The following TMPRSS11E variants were observed in gnomAD, a reference collection of about 807,000 sequenced individuals.
TMPRSS11E encodes the protein transmembrane protease serine 11E.
A neutral mutation model predicts 48.1 loss-of-function variants in TMPRSS11E; 38 were observed. The observed-to-expected ratio is 0.79, with a 90% CI of 0.61 to 1.04. The LOEUF is 1.04. Ranked by LOEUF, TMPRSS11E falls within the 50% of genes least tolerant of loss-of-function variation. The pLI is 0.00. For synonymous variants in TMPRSS11E, 158 were observed against 171.9 expected (o/e 0.92, Z 0.63); for missense variants, 530 against 510.8 (o/e 1.04, Z -0.36).
chr4:68,483,767 T>C (rs1729475807), intron 9 of TMPRSS11E, among the ~76,000 whole-genome samples: 2 of 152,176 alleles, frequency 1.3e-5, no homozygotes, highest in African/African-American at 4.8e-5. Flanking sequence ...TAGTTTTAGG[T>C]TTTACACTTA....
chr4:68,475,787 T>C (rs1381376538), intron 6 of TMPRSS11E, among the ~76,000 whole-genome samples: 8 of 152,170 alleles, frequency 5.3e-5, no homozygotes. Flanking sequence ...CTACAGTATA[T>C]AGGCCAAGAT....
intron 4 of TMPRSS11E, among the ~76,000 whole-genome samples, chr4:68,470,604 A>G (rs561085933): frequency 1.3e-5 from 2 of 152,026 alleles, no homozygotes; most frequent in East Asian, 3.9e-4. Flanking sequence ...TCAAACTTAT[A>G]ATAGATAACA....
At chr4:68,487,067 T>G (rs182784853) in intron 9 of TMPRSS11E, among the ~76,000 whole-genome samples, 209 of 152,332 alleles carry the variant, frequency 1.4e-3, no homozygotes, top group Middle Eastern at 6.8e-3. Context: ...GTCTTGCTTC[T>G]TTATCCAATG....
chr4:68,454,414 T>C (rs1043694572), intron 1 of TMPRSS11E, among the ~76,000 whole-genome samples: 3 of 152,002 alleles, frequency 2.0e-5, no homozygotes, highest in African/African-American at 7.2e-5. Context: ...TATTTCACTA[T>C]GTTATTATTA....
intron 6 of TMPRSS11E, among the ~76,000 whole-genome samples, chr4:68,475,155 T>A (rs990932893): frequency 2.6e-5 from 4 of 152,170 alleles, no homozygotes; most frequent in Non-Finnish European, 5.9e-5. Context: ...ATCTTCTTGA[T>A]GTTATTAATC....
At chr4:68,460,420 C>A (rs1454780458) in intron 1 of TMPRSS11E, among the ~76,000 whole-genome samples, 1 of 152,148 alleles carries the variant, frequency 6.6e-6, no homozygotes, top group Non-Finnish European at 1.5e-5. Context: ...GTGCTTTAGA[C>A]GGAATGGTTA....
intron 1 of TMPRSS11E, among the ~76,000 whole-genome samples, chr4:68,450,023 T>C (rs1728450587): frequency 6.6e-6 from 1 of 151,868 alleles, no homozygotes; most frequent in South Asian, 2.1e-4. Flanking sequence ...TAAAAATCTA[T>C]TTGTTTACAG....
rs1404919779 is a variant in TMPRSS11E, at chr4:68,496,302, TA to T, written c.1111-339del. Reference sequence around the variant, plus strand: ...CCTTTTTTGGGGGGTTATGTTACACTAATAAAGAGTATAGACAAAATAATTA... The same window carrying T: ...CCTTTTTTGGGGGGTTATGTTACACTATAAAGAGTATAGACAAAATAATTA... On this transcript the variant is annotated intron_variant, in intron 9 of 9. Coordinates refer to ENST00000305363, the MANE Select transcript of TMPRSS11E (RefSeq NM_014058.4). Among the ~76,000 whole-genome samples, 59 of 152,210 alleles carry T rather than the reference TA, an allele frequency of 3.9e-4. 1 individual carries two copies. Among genetic ancestry groups the T allele is most frequent in the African/African-American group, 1.3e-3 (56 of 41,548 alleles).
chr4:68,468,742 C>T (rs1167884347), intron 3 of TMPRSS11E, 137 bp from the exon 4 acceptor site: 2 of 719,596 alleles, frequency 2.8e-6, no homozygotes, highest in Non-Finnish European at 5.0e-6. Flanking sequence ...CCTCAAGCTT[C>T]CTCAGTTCCA....
chr4:68,458,560 T>A (rs185170614), intron 1 of TMPRSS11E, among the ~76,000 whole-genome samples: 1 of 152,204 alleles, frequency 6.6e-6, no homozygotes, highest in East Asian at 1.9e-4. Context: ...TGTTTATGTA[T>A]GTTCAGGAGG....
At chr4:68,496,552 C>G (rs973742944) in intron 9 of TMPRSS11E, 91 bp from the exon 10 acceptor site, 12 of 1,280,888 alleles carry the variant, frequency 9.4e-6, no homozygotes, top group Non-Finnish European at 1.3e-5. Context: ...TTGAAAATTA[C>G]CCCTTTCATT....
At chr4:68,464,809 A>G (rs955963) in intron 2 of TMPRSS11E, among the ~76,000 whole-genome samples, 28,048 of 152,174 alleles carry the variant, frequency 0.18, 2,912 homozygotes, top group Admixed American at 0.26. Context: ...GCTATTTAAT[A>G]TGTGATTAGC....
chr4:68,470,254 G>A lies in TMPRSS11E; in HGVS notation c.327-1206G>A, dbSNP rs547517154. ...AAAAGGATGACAAAGAAAGCTTGAA[G>A]ACCAATATTTAAGGTGATGGAAGGA... On this transcript the variant is annotated intron_variant, in intron 4 of 9. Transcript: ENST00000305363. Among the ~76,000 whole-genome samples, 10 of 151,892 alleles carry A rather than the reference G, an allele frequency of 6.6e-5. No individual in the cohort carries two copies. In the South Asian group the frequency reaches 2.1e-3, roughly 32 times the overall value.
At chr4:68,463,222 A>G (rs1350266539) in intron 2 of TMPRSS11E, among the ~76,000 whole-genome samples, 1 of 152,150 alleles carries the variant, frequency 6.6e-6, no homozygotes, top group African/African-American at 2.4e-5. Flanking sequence ...TAAAACAAAG[A>G]TTTTTTTGGT....
chr4:68,487,261 T>A (rs1020352229), intron 9 of TMPRSS11E, among the ~76,000 whole-genome samples: 1 of 152,128 alleles, frequency 6.6e-6, no homozygotes, highest in Non-Finnish European at 1.5e-5. Context: ...GGAATTTTTT[T>A]TTTTTTTTGA....
intron 9 of TMPRSS11E, among the ~76,000 whole-genome samples, chr4:68,488,817 G>A (rs1454965600): frequency 1.3e-5 from 2 of 152,216 alleles, no homozygotes; most frequent in African/African-American, 4.8e-5. Context: ...TGGGATTACA[G>A]GCGTGAGCCA....
intron 2 of TMPRSS11E, among the ~76,000 whole-genome samples, chr4:68,462,904 T>C (rs1053943182): frequency 1.3e-5 from 2 of 152,192 alleles, no homozygotes; most frequent in Admixed American, 6.5e-5. Context: ...TCAGAACTGT[T>C]ATTCTGGGAT....
chr4:68,486,151 T>C (rs1469420859), intron 9 of TMPRSS11E, among the ~76,000 whole-genome samples: 1 of 152,178 alleles, frequency 6.6e-6, no homozygotes, highest in African/African-American at 2.4e-5. Flanking sequence ...TCAGTTCAGC[T>C]CTAATTTTGG....
At chr4:68,457,942 G>T (rs1291725197) in intron 1 of TMPRSS11E, among the ~76,000 whole-genome samples, 1 of 152,010 alleles carries the variant, frequency 6.6e-6, no homozygotes, top group South Asian at 2.1e-4. Flanking sequence ...GTGGGTGGGG[G>T]GCTAGGGGAG....
Sources: gnomAD v4.1 joint callset for allele counts (sites outside exome capture counted in the v4.1 genomes callset) on GRCh38, gnomAD v4.1.1 for gene constraint, MANE v1.5 for transcripts, NCBI Gene and HGNC (gene_info 2026-07-23, HGNC 2026-07-21) for gene names.